Variants in RBFOX1 observed in about 807,000 individuals in gnomAD.
RBFOX1 encodes RNA binding protein fox-1 homolog 1.
RBFOX1 carries 8 observed loss-of-function variants against 57.7 expected under a neutral mutation model. The observed-to-expected ratio is 0.14, with a 90% CI of 0.08 to 0.25. The LOEUF is 0.25. Ranked by LOEUF, RBFOX1 falls within the 10% of genes least tolerant of loss-of-function variation. RBFOX1 has a pLI of 1.00. For missense variants in RBFOX1, 611 were observed against 548.5 expected, an observed-to-expected ratio of 1.11 and a Z score of -1.14; for synonymous variants, 326 against 222.4, an observed-to-expected ratio of 1.47 and a Z score of -4.15.
chr16:6,253,380 G>T (rs1242117695), intron 1 of RBFOX1, among the ~76,000 whole-genome samples: 5 of 152,144 alleles, frequency 3.3e-5, no homozygotes, highest in Non-Finnish European at 5.9e-5. Flanking sequence ...TTGCATGCAT[G>T]AACTCCTGGG....
At chr16:7,710,244 T>C (rs1319694394) in intron 15 of RBFOX1, 4 of 1,071,274 alleles carry the variant, frequency 3.7e-6, no homozygotes, top group Non-Finnish European at 4.5e-6. Context: ...CTTCAACACC[T>C]AGTCCACATG....
chr16:5,997,094 C>T (rs2060504117), intron 4 of RBFOX1, among the ~76,000 whole-genome samples: 1 of 138,674 alleles, frequency 7.2e-6, no homozygotes. Context: ...TGTCCAAACC[C>T]ACCAGGAAGC....
At chr16:7,004,237 C>T (rs2093099894) in intron 3 of RBFOX1, 1 of 151,996 alleles carries the variant, frequency 6.6e-6, no homozygotes, top group African/African-American at 2.4e-5. Context: ...GAATCTTATG[C>T]ATAGAAGAAT....
chr16:7,332,281 G>A (rs1413861032), intron 4 of RBFOX1, among the ~76,000 whole-genome samples: 1 of 152,160 alleles, frequency 6.6e-6, no homozygotes, highest in Non-Finnish European at 1.5e-5. Flanking sequence ...TCAGAGACTT[G>A]TTGTGAGAAT....
intron 2 of RBFOX1, among the ~76,000 whole-genome samples, chr16:6,320,398 G>C (rs1474806308): frequency 6.6e-6 from 1 of 152,082 alleles, no homozygotes; most frequent in African/African-American, 2.4e-5. Context: ...GTGATGGGTT[G>C]TTTGGGTGAT....
At chr16:5,387,292 T>A (rs1014269155) in intron 1 of RBFOX1, among the ~76,000 whole-genome samples, 2 of 152,172 alleles carry the variant, frequency 1.3e-5, no homozygotes, top group Non-Finnish European at 2.9e-5. Context: ...TTTGCTGTAA[T>A]AGAATTCTTC....
At chr16:7,040,386 C>G (rs2045784541) in intron 3 of RBFOX1, among the ~76,000 whole-genome samples, 1 of 152,138 alleles carries the variant, frequency 6.6e-6, no homozygotes, top group Admixed American at 6.6e-5. Flanking sequence ...CTTTGATGCT[C>G]TACAAATAAC....
intron 1 of RBFOX1, among the ~76,000 whole-genome samples, chr16:5,320,594 T>C (rs1246624331): frequency 6.6e-6 from 1 of 152,244 alleles, no homozygotes; most frequent in Non-Finnish European, 1.5e-5. Context: ...CAATGCATCT[T>C]CAGAGAGAAG....
At chr16:5,596,360 G>T (rs1467853426) in intron 2 of RBFOX1, among the ~76,000 whole-genome samples, 2 of 152,260 alleles carry the variant, frequency 1.3e-5, no homozygotes, top group East Asian at 1.9e-4. Context: ...CCTTCCTAAG[G>T]CTGGTGGTTG....
chr16:7,693,481 A>G, intron 14 of RBFOX1: 1 of 728,786 alleles, frequency 1.4e-6, no homozygotes, highest in South Asian at 2.0e-5. Context: ...TTAGTTAAGA[A>G]AAAAAAAAAA....
rs2096533704 is a variant in RBFOX1, at chr16:6,119,656, A to G, written c.-127+99664A>G. On this transcript the variant is annotated intron_variant, in intron 1 of 15. Coordinates refer to ENST00000550418, the MANE Select transcript of RBFOX1 (RefSeq NM_018723.4). ...ACATTTATTTTGAAGGTGAGCTATA[A>G]TCTAAAACTGTCATTATTTATTTTT... is the stretch of plus-strand genomic sequence containing the variant. 2.0e-5 allele frequency among the ~76,000 whole-genome samples: 3 copies of G among 152,170 alleles called. No homozygotes were observed. The South Asian group carries it at 6.2e-4, about 32-fold the overall frequency.
chr16:5,980,912 C>G lies in RBFOX1; in HGVS notation c.351+113577C>G, dbSNP rs565243241. ...ACACTGGGCTTGCTTTTTATAACTA[C>G]CTTCTATGTGCCACAAGTAGGGTTT... On this transcript the variant is annotated intron_variant, in intron 4 of 19. Coordinates refer to the RBFOX1 transcript ENST00000641259. 6.1e-4 allele frequency among the ~76,000 whole-genome samples: 93 copies of G among 152,242 alleles called. 1 individual carries two copies. The highest frequency in any genetic ancestry group is 2.0e-3 in the African/African-American group (84 of 41,528).
At position 5,689,091 on chromosome 16, in the gene RBFOX1, G is replaced by C. The variant is rs542429042; in HGVS notation, c.318+90130G>C. 1.3e-4 allele frequency among the ~76,000 whole-genome samples: 20 copies of C among 152,322 alleles called. 1 individual carries two copies. The highest frequency in any genetic ancestry group is 1.3e-3 in the Admixed American group (20 of 15,298). On this transcript the variant is annotated intron_variant, in intron 3 of 19. Coordinates refer to the RBFOX1 transcript ENST00000641259. ...TGAACCAATAAGCCAAGGTCGGGAGGCTTGGTTATGTAACACAAACATGGC... is the reference window on the plus strand; with the variant it reads ...TGAACCAATAAGCCAAGGTCGGGAGCCTTGGTTATGTAACACAAACATGGC...
At chr16:7,404,178 G>A (rs565600730) in intron 4 of RBFOX1, among the ~76,000 whole-genome samples, 87 of 151,762 alleles carry the variant, frequency 5.7e-4, no homozygotes, top group Non-Finnish European at 9.1e-4. Context: ...TCAGCCTCCT[G>A]AGTAGCTGTG....
chr16:7,358,115 C>T (rs73549010), intron 4 of RBFOX1, among the ~76,000 whole-genome samples: 5,352 of 152,256 alleles, frequency 0.035, 211 homozygotes, highest in African/African-American at 0.096. Context: ...CCACTTCTTA[C>T]TGATTAACTT....
At chr16:5,438,305 A>G (rs1401466273) in intron 1 of RBFOX1, among the ~76,000 whole-genome samples, 1 of 152,224 alleles carries the variant, frequency 6.6e-6, no homozygotes, top group Non-Finnish European at 1.5e-5. Context: ...CAGTCAAGTC[A>G]CAGGTAGGAA....
At chr16:6,508,659 A>G (rs1039881597) in intron 2 of RBFOX1, among the ~76,000 whole-genome samples, 15 of 152,028 alleles carry the variant, frequency 9.9e-5, no homozygotes, top group Admixed American at 4.6e-4. Context: ...TCTCCTGCTT[A>G]CCGTAAAACA....
intron 4 of RBFOX1, among the ~76,000 whole-genome samples, chr16:7,172,911 G>T (rs1601816391): frequency 6.6e-6 from 1 of 152,288 alleles, no homozygotes; most frequent in East Asian, 1.9e-4. Context: ...CCAAGGAAGA[G>T]ACTTGAATAT....
chr16:7,150,255 C>T (rs781475733), intron 4 of RBFOX1, among the ~76,000 whole-genome samples: 32 of 152,314 alleles, frequency 2.1e-4, no homozygotes, highest in Middle Eastern at 3.4e-3. Flanking sequence ...GTAAAAGAGA[C>T]GCCTCCACCT....
Sources: gnomAD v4.1 joint callset for allele counts (sites outside exome capture counted in the v4.1 genomes callset) on GRCh38, gnomAD v4.1.1 for gene constraint, MANE v1.5 for transcripts, NCBI Gene and HGNC (gene_info 2026-07-23, HGNC 2026-07-21) for gene names.